The following MARCHF4 variants were observed in gnomAD, a reference collection of about 807,000 sequenced individuals.
The protein encoded by MARCHF4 is membrane associated ring-CH-type finger 4, also known as E3 ubiquitin-protein ligase MARCHF4.
In MARCHF4, 14 loss-of-function variants were observed where a neutral mutation model predicts 43.9. That is an observed-to-expected ratio of 0.32 (90% CI 0.21 to 0.50). MARCHF4 has a LOEUF of 0.50. Among genes scored for constraint, MARCHF4 ranks in the 20% least tolerant of loss-of-function variants. MARCHF4 has a pLI of 0.98. For missense variants in MARCHF4, 468 were observed against 536.7 expected, an observed-to-expected ratio of 0.87 and a Z score of 1.27; for synonymous variants, 226 against 213.3, an observed-to-expected ratio of 1.06 and a Z score of -0.52.
At chr2:216,266,759 G>T (rs1316296669) in intron 3 of MARCHF4, among the ~76,000 whole-genome samples, 1 of 152,290 alleles carries the variant, frequency 6.6e-6, no homozygotes, top group East Asian at 1.9e-4. Context: ...ATCAGGGAAC[G>T]GTTGAAAGAA....
At chr2:216,281,763 G>GC (rs2105939955) in intron 2 of MARCHF4, among the ~76,000 whole-genome samples, 2 of 152,264 alleles carry the variant, frequency 1.3e-5, no homozygotes, top group Non-Finnish European at 2.9e-5. Flanking sequence ...ATCAGAGGGA[G>GC]CCCCCAGCAG....
intron 1 of MARCHF4, among the ~76,000 whole-genome samples, chr2:216,311,246 T>C (rs890409645): frequency 1.1e-4 from 17 of 152,138 alleles, no homozygotes; most frequent in Non-Finnish European, 2.1e-4. Flanking sequence ...TTAAATCATG[T>C]CTTTTTTTTT....
chr2:216,308,866 C>T (rs1237629980), intron 1 of MARCHF4, among the ~76,000 whole-genome samples: 1 of 152,178 alleles, frequency 6.6e-6, no homozygotes, highest in Non-Finnish European at 1.5e-5. Flanking sequence ...CTTAGCAACT[C>T]CTGGTCCCCT....
At chr2:216,320,895 G>T (rs536887610) in intron 1 of MARCHF4, among the ~76,000 whole-genome samples, 153 of 141,504 alleles carry the variant, frequency 1.1e-3, no homozygotes, top group Middle Eastern at 3.8e-3. Context: ...TGGTCAGTCT[G>T]GTCTCGAACT....
chr2:216,358,479 G>T (rs1692533039), intron 1 of MARCHF4, among the ~76,000 whole-genome samples: 1 of 152,146 alleles, frequency 6.6e-6, no homozygotes, highest in Non-Finnish European at 1.5e-5. Flanking sequence ...ATTTATATCA[G>T]CCCCAGGTGT....
intron 1 of MARCHF4, among the ~76,000 whole-genome samples, chr2:216,336,857 T>G (rs1455626033): frequency 6.6e-6 from 1 of 150,520 alleles, no homozygotes; most frequent in African/African-American, 2.4e-5. Context: ...TCAAATAAAT[T>G]ATTTTTAAAA....
At chr2:216,266,598 C>T (rs1690848715) in intron 3 of MARCHF4, among the ~76,000 whole-genome samples, 1 of 152,188 alleles carries the variant, frequency 6.6e-6, no homozygotes. Context: ...GAGAGGCACT[C>T]TCCTTCCCTG....
rs570995124 is a variant in MARCHF4, at chr2:216,258,319, C to G, written c.*993G>C. The G allele has an allele frequency of 1.3e-5, 2 of 152,646 alleles. No individual in the cohort carries two copies. The highest frequency in any genetic ancestry group is 3.9e-4 in the East Asian group (2 of 5,188). 9.5% of individuals were successfully genotyped at this position (152,646 alleles called of 1,614,324 possible). A position where few individuals can be genotyped will look rare whatever the true frequency, so the allele number is the denominator to read the frequency against. On this transcript the variant is annotated 3_prime_UTR_variant, in exon 4 of 4. Transcript: ENST00000273067. ...CTTGGAAGCCCGTAGGTCAGGGGTGCCCTACCGTGAGGGGACTGGGTCTGT... is the reference window on the plus strand; with the variant it reads ...CTTGGAAGCCCGTAGGTCAGGGGTGGCCTACCGTGAGGGGACTGGGTCTGT...
intron 1 of MARCHF4, among the ~76,000 whole-genome samples, chr2:216,355,872 C>G (rs988134403): frequency 2.4e-4 from 36 of 152,282 alleles, no homozygotes; most frequent in Admixed American, 1.0e-3. Flanking sequence ...AGCCTATTCC[C>G]CCAACCCCTC....
At chr2:216,290,483 C>T (rs6705793) in intron 1 of MARCHF4, among the ~76,000 whole-genome samples, 63,931 of 152,026 alleles carry the variant, frequency 0.42, 14,327 homozygotes, top group South Asian at 0.57. Flanking sequence ...CAGATCAGGC[C>T]AGGCTTGTGA....
chr2:216,276,831 C>T (rs1219031760), intron 3 of MARCHF4, among the ~76,000 whole-genome samples: 2 of 152,118 alleles, frequency 1.3e-5, no homozygotes, highest in Non-Finnish European at 2.9e-5. Flanking sequence ...TCTTCAGAGT[C>T]AACAGCCACA....
At chr2:216,336,874 A>G (rs1017126942) in intron 1 of MARCHF4, among the ~76,000 whole-genome samples, 2 of 151,998 alleles carry the variant, frequency 1.3e-5, no homozygotes, top group Non-Finnish European at 2.9e-5. Context: ...AAAACAGTCC[A>G]GGCACAGTGG....
At chr2:216,287,473 A>T (rs560335756) in intron 1 of MARCHF4, among the ~76,000 whole-genome samples, 1 of 151,988 alleles carries the variant, frequency 6.6e-6, no homozygotes, top group Admixed American at 6.6e-5. Flanking sequence ...GGGGCCAGAG[A>T]CTGCCCTGGG....
At chr2:216,261,357 C>A (rs1690740918) in intron 3 of MARCHF4, among the ~76,000 whole-genome samples, 1 of 152,168 alleles carries the variant, frequency 6.6e-6, no homozygotes, top group Admixed American at 6.5e-5. Context: ...CAGCCTCTTT[C>A]TTCTGTTCTC....
chr2:216,263,125 G>A (rs1690769065), intron 3 of MARCHF4, among the ~76,000 whole-genome samples: 2 of 152,140 alleles, frequency 1.3e-5, no homozygotes, highest in South Asian at 4.1e-4. Flanking sequence ...GAAAATGGGT[G>A]GTAAAGAAAG....
chr2:216,336,545 T>G (rs1692159242), intron 1 of MARCHF4, among the ~76,000 whole-genome samples: 1 of 152,022 alleles, frequency 6.6e-6, no homozygotes, highest in Admixed American at 6.6e-5. Flanking sequence ...AGAATTGGCT[T>G]TGGCTTGTTC....
intron 1 of MARCHF4, among the ~76,000 whole-genome samples, chr2:216,303,977 T>C (rs16855879): frequency 0.045 from 6,870 of 152,084 alleles, 791 homozygotes; most frequent in East Asian, 0.45. Context: ...CACCAACAGC[T>C]ACTGGAAACC....
At position 216,370,226 on chromosome 2, in the gene MARCHF4, C is replaced by T. The variant is rs370088367; in HGVS notation, c.35G>A (p.Trp12Ter). 15 of 1,609,894 alleles carry T rather than the reference C, an allele frequency of 9.3e-6. No individual in the cohort carries two copies. Among genetic ancestry groups the T allele is most frequent in the Non-Finnish European group, 1.2e-5 (14 of 1,177,292 alleles). Residue 12 changes from tryptophan (W) to a stop codon, truncating the protein, a stop_gained, in exon 1 of 4, where the codon TGG (tryptophan) becomes TAG (stop). Transcript: ENST00000273067. LOFTEE classifies it high-confidence loss of function. Reference sequence around the variant, plus strand: ...GTACCAGCCGGAGCAGCAGCACCACCACCACCAGAGCAGCCCACACAGGGG... The same window carrying T: ...GTACCAGCCGGAGCAGCAGCACCACTACCACCAGAGCAGCCCACACAGGGG... ...LMPLCGLLWW[W>*]WCCCSGWYCY... is the part of the protein sequence containing the mutation.
At chr2:216,304,117 A>G (rs1363419922) in intron 1 of MARCHF4, among the ~76,000 whole-genome samples, 1 of 152,224 alleles carries the variant, frequency 6.6e-6, no homozygotes, top group Non-Finnish European at 1.5e-5. Flanking sequence ...TGCTGCCTAG[A>G]GTAGAAAAAG....
Sources: gnomAD v4.1 joint callset for allele counts (sites outside exome capture counted in the v4.1 genomes callset) on GRCh38, gnomAD v4.1.1 for gene constraint, MANE v1.5 for transcripts, NCBI Gene and HGNC (gene_info 2026-07-23, HGNC 2026-07-21) for gene names.